DLG2: variants seen among roughly 807,000 people sequenced by gnomAD.
The protein encoded by DLG2 is disks large homolog 2.
DLG2 carries 45 observed loss-of-function variants against 132.5 expected under a neutral mutation model. The ratio of observed to expected loss-of-function variants is 0.34; its 90% confidence interval spans 0.27 to 0.44. The LOEUF is 0.44. Ranked by LOEUF, DLG2 falls within the 20% of genes least tolerant of loss-of-function variation. DLG2 has a pLI of 1.00. For synonymous variants in DLG2, 424 were observed against 419.6 expected, an observed-to-expected ratio of 1.01 and a Z score of -0.13; for missense variants, 1,045 against 1,196.9, an observed-to-expected ratio of 0.87 and a Z score of 1.87.
intron 11 of DLG2, among the ~76,000 whole-genome samples, chr11:84,022,186 A>G (rs2095415117): frequency 6.6e-6 from 1 of 152,184 alleles, no homozygotes. Flanking sequence ...AATTTGTCAG[A>G]AACAGCAGGA....
rs545505247 is a variant in DLG2 at position 83,898,968 on chromosome 11, A to G, written c.1497-24480T>C. Among the ~76,000 whole-genome samples the G allele has an allele frequency of 2.6e-5, 4 of 152,318 alleles. No homozygotes were observed. In the South Asian group the frequency reaches 8.3e-4, roughly 32 times the overall value. ...AAGTATCATAAATATATGAGAGATT[A>G]TTTCTGTTCTGATAGGTGAGGATTA... is the stretch of plus-strand genomic sequence containing the variant. On this transcript the variant is annotated intron_variant, in intron 15 of 27. Transcript: ENST00000376104.
intron 3 of DLG2, among the ~76,000 whole-genome samples, chr11:85,414,298 G>C (rs190180789): frequency 6.6e-6 from 1 of 152,054 alleles, no homozygotes; most frequent in Non-Finnish European, 1.5e-5. Context: ...GAGCTTTCTG[G>C]AGGAGTCTTT....
At chr11:84,592,521 T>C (rs1259692289) in intron 6 of DLG2, among the ~76,000 whole-genome samples, 1 of 151,790 alleles carries the variant, frequency 6.6e-6, no homozygotes, top group Non-Finnish European at 1.5e-5. Context: ...ATCATCAGAG[T>C]GAACAGGCAA....
chr11:84,656,903 T>C, intron 6 of DLG2, among the ~76,000 whole-genome samples: 1 of 152,176 alleles, frequency 6.6e-6, no homozygotes, highest in Non-Finnish European at 1.5e-5. Flanking sequence ...CTGTTTATTG[T>C]GTTAGGATCA....
At chr11:84,824,051 G>A (rs1365515857) in intron 6 of DLG2, among the ~76,000 whole-genome samples, 1 of 151,826 alleles carries the variant, frequency 6.6e-6, no homozygotes, top group Non-Finnish European at 1.5e-5. Context: ...TGGCATTGGG[G>A]GTTTCAACAG....
Position 85,190,299 on chromosome 11 carries a change from T to C in DLG2, c.187-35648A>G, listed in dbSNP as rs553918168. Among the ~76,000 whole-genome samples the C allele has an allele frequency of 2.6e-5, 4 of 152,290 alleles. No individual in the cohort carries two copies. The South Asian group carries it at 8.3e-4, about 32-fold the overall frequency. The stretch of plus-strand genomic sequence containing the variant: ...AGGGTCAGAATAGCTCGGACTAAAC[T>C]AAGTAGCTCCTGAGTCAAAATGATA... On this transcript the variant is annotated intron_variant, in intron 4 of 27. Transcript: ENST00000376104.
intron 7 of DLG2, among the ~76,000 whole-genome samples, chr11:84,476,338 C>T (rs1436670675): frequency 1.3e-5 from 2 of 152,138 alleles, no homozygotes; most frequent in Non-Finnish European, 2.9e-5. Flanking sequence ...CAAACAAATA[C>T]TTACAAAATA....
intron 6 of DLG2, among the ~76,000 whole-genome samples, chr11:84,788,100 C>CAAAAAAAAAA (rs139086655): frequency 3.1e-4 from 14 of 45,664 alleles, no homozygotes; most frequent in East Asian, 1.1e-3. Flanking sequence ...GAATATGTCT[C>CAAAAAAAAAA]AAAAAAAAAA....
intron 17 of DLG2, among the ~76,000 whole-genome samples, chr11:83,825,417 G>A (rs926167846): frequency 2.6e-5 from 4 of 151,778 alleles, no homozygotes; most frequent in African/African-American, 9.7e-5. Flanking sequence ...CCCACCTCAG[G>A]TGAACTGCCC....
At chr11:84,747,331 C>T (rs2065508550) in intron 6 of DLG2, among the ~76,000 whole-genome samples, 1 of 152,024 alleles carries the variant, frequency 6.6e-6, no homozygotes. Context: ...AACCTGTATA[C>T]ATAATCAGAT....
At chr11:84,598,224 C>T (rs913342924) in intron 6 of DLG2, among the ~76,000 whole-genome samples, 8 of 152,166 alleles carry the variant, frequency 5.3e-5, no homozygotes, top group African/African-American at 1.9e-4. Flanking sequence ...GCCCTTTGCT[C>T]AGAAACCACC....
intron 9 of DLG2, among the ~76,000 whole-genome samples, chr11:84,108,390 A>G (rs1156572249): frequency 6.6e-6 from 1 of 152,130 alleles, no homozygotes; most frequent in African/African-American, 2.4e-5. Context: ...AAACAAAAAG[A>G]TGGTAAAGAC....
chr11:85,134,038 G>C (rs1431278360), intron 5 of DLG2, among the ~76,000 whole-genome samples: 1 of 152,048 alleles, frequency 6.6e-6, no homozygotes, highest in Non-Finnish European at 1.5e-5. Context: ...GGGAGAGTGA[G>C]GGAGAGTGAG....
intron 3 of DLG2, among the ~76,000 whole-genome samples, chr11:85,535,065 T>G (rs1387162804): frequency 3.9e-5 from 6 of 152,218 alleles, no homozygotes; most frequent in African/African-American, 1.4e-4. Context: ...ACTGTGGTTT[T>G]GACTTGTATT....
At chr11:84,789,478 T>A (rs1217524097) in intron 6 of DLG2, among the ~76,000 whole-genome samples, 1 of 152,184 alleles carries the variant, frequency 6.6e-6, no homozygotes, top group Non-Finnish European at 1.5e-5. Context: ...GATACTTTAA[T>A]GTAGTTATGC....
chr11:83,518,856 A>G (rs1317287117), intron 21 of DLG2, among the ~76,000 whole-genome samples: 1 of 152,164 alleles, frequency 6.6e-6, no homozygotes, highest in East Asian at 1.9e-4. Flanking sequence ...AAAAAAAAGA[A>G]GTTTGTTCCT....
chr11:85,589,195 G>C (rs555859805), intron 3 of DLG2, among the ~76,000 whole-genome samples: 1 of 152,204 alleles, frequency 6.6e-6, no homozygotes, highest in Admixed American at 6.5e-5. Context: ...AGGACCACTG[G>C]TTAGCCAGGA....
At chr11:84,156,730 T>C (rs755192806) in intron 9 of DLG2, among the ~76,000 whole-genome samples, 1 of 152,254 alleles carries the variant, frequency 6.6e-6, no homozygotes, top group Non-Finnish European at 1.5e-5. Flanking sequence ...ATGACTGATT[T>C]ATTGCATCAT....
chr11:84,630,303 T>G (rs575739131), intron 6 of DLG2, among the ~76,000 whole-genome samples: 5 of 152,240 alleles, frequency 3.3e-5, no homozygotes, highest in East Asian at 3.9e-4. Context: ...TAGAAACCAT[T>G]TGGGACATTT....
Sources: allele counts gnomAD v4.1 joint callset (sites outside exome capture counted in the v4.1 genomes callset), GRCh38; gene constraint gnomAD v4.1.1; transcripts MANE v1.5; gene names NCBI Gene and HGNC (gene_info 2026-07-23, HGNC 2026-07-21).